Variants in NTPCR observed in about 807,000 individuals in gnomAD.
NTPCR encodes cancer-related nucleoside-triphosphatase.
NTPCR carries 15 observed loss-of-function variants against 19.5 expected under a neutral mutation model. That is an observed-to-expected ratio of 0.77 (90% CI 0.51 to 1.18). The LOEUF is 1.18. Ranked by LOEUF, NTPCR falls within the 50% of genes most tolerant of loss-of-function variation. NTPCR has a pLI of 0.00. For missense variants in NTPCR, 206 were observed against 240.4 expected (o/e 0.86, Z 0.95); for synonymous variants, 90 against 95.8 (o/e 0.94, Z 0.36).
intron 4 of NTPCR, among the ~76,000 whole-genome samples, chr1:232,975,320 G>A (rs1308170883): frequency 6.6e-6 from 1 of 152,128 alleles, no homozygotes; most frequent in African/African-American, 2.4e-5. Context: ...AGTTGAGGTG[G>A]TGATATCACA....
intron 2 of NTPCR, among the ~76,000 whole-genome samples, chr1:232,955,955 C>T (rs1668501420): frequency 6.6e-6 from 1 of 152,104 alleles, no homozygotes; most frequent in African/African-American, 2.4e-5. Flanking sequence ...AGAAAGAAAA[C>T]AGAATGAAAC....
intron 4 of NTPCR, among the ~76,000 whole-genome samples, chr1:232,975,798 T>C (rs189253749): frequency 6.6e-6 from 1 of 152,198 alleles, no homozygotes; most frequent in Non-Finnish European, 1.5e-5. Context: ...CTTTCTTCTT[T>C]CTGCAGTCTT....
At chr1:232,965,448 T>C (rs1668786564) in intron 3 of NTPCR, 1 of 152,284 alleles carries the variant, frequency 6.6e-6, no homozygotes, top group African/African-American at 2.4e-5. Context: ...GTGAAGTTGC[T>C]GGGAGGACTG....
chr1:232,958,313 C>T (rs1395795314), intron 3 of NTPCR, among the ~76,000 whole-genome samples: 1 of 152,234 alleles, frequency 6.6e-6, no homozygotes, highest in African/African-American at 2.4e-5. Flanking sequence ...TGCCATTCTT[C>T]AGCCACACTG....
chr1:232,964,062 T>A (rs1400588273), intron 3 of NTPCR: 1 of 152,246 alleles, frequency 6.6e-6, no homozygotes, highest in African/African-American at 2.4e-5. Context: ...TCGTTAGTGT[T>A]CTAGTTTCAT....
At chr1:232,960,866 A>T (rs375533785) in intron 3 of NTPCR, among the ~76,000 whole-genome samples, 1 of 152,164 alleles carries the variant, frequency 6.6e-6, no homozygotes, top group African/African-American at 2.4e-5. Context: ...ATTCATGGTT[A>T]AAAAAATTAT....
Position 232,983,292 on chromosome 1 carries a change from T to A in NTPCR, c.*5061T>A, listed in dbSNP as rs549442140. ...TCTATGGACTGCATTTTGGGACCTC[T>A]ACCCCAGCAAGGATACAGGTTCCTG... is the stretch of plus-strand genomic sequence containing the variant. On this transcript the variant is annotated 3_prime_UTR_variant, in exon 5 of 5. Coordinates refer to ENST00000366628, the MANE Select transcript of NTPCR (RefSeq NM_032324.3). 1 of 152,326 alleles carries A rather than the reference T, an allele frequency of 6.6e-6. No homozygotes were observed. The highest frequency in any genetic ancestry group is 2.1e-4 in the South Asian group (1 of 4,828). The allele number at this position is 152,326 out of a possible 1,614,324, so 9.4% of individuals were successfully genotyped here. A position where few individuals can be genotyped will look rare whatever the true frequency, so the allele number is the denominator to read the frequency against.
In NTPCR at chr1:232,983,244, ATGG is replaced by A. The variant is rs1195563227; in HGVS notation, c.*5015_*5017del. 6.6e-6 allele frequency: 1 copy of A among 152,154 alleles called. No individual in the cohort carries two copies. Among genetic ancestry groups the A allele is most frequent in the Non-Finnish European group, 1.5e-5 (1 of 68,040 alleles). 9.4% of individuals were successfully genotyped at this position (152,154 alleles called of 1,614,324 possible). ...TCTAACTATTGTCTTTTGAAAAGGG[ATGG>A]TTCACCAGGCCAGTGATACTCTATG... On this transcript the variant is annotated 3_prime_UTR_variant, in exon 5 of 5. Coordinates refer to ENST00000366628, the MANE Select transcript of NTPCR (RefSeq NM_032324.3).
Position 232,955,563 on chromosome 1 carries a change from GA to G in NTPCR, c.46del (p.Thr16GlnfsTer3). ...HVFLTGPPGV[G>X]KTTLIHKASE... ...TTTTTTTTTTTTATTTTAGGAGTTG[GA>G]AAAACAACATTGATCCATAAAGCCA... On this transcript the variant is annotated frameshift_variant, in exon 2 of 5. Transcript: ENST00000366628. LOFTEE classifies it high-confidence loss of function. The G allele has an allele frequency of 6.5e-7, 1 of 1,532,860 alleles. No homozygotes were observed. The highest frequency in any genetic ancestry group is 8.7e-7 in the Non-Finnish European group (1 of 1,143,064). The allele number at this position is 1,532,860 out of a possible 1,614,324, so 95.0% of individuals were successfully genotyped here.
chr1:232,979,418 G>T lies in NTPCR; in HGVS notation c.*1187G>T, dbSNP rs1669230428. The T allele has an allele frequency of 6.6e-6, 1 of 152,292 alleles. No individual in the cohort carries two copies. Among genetic ancestry groups the T allele is most frequent in the Non-Finnish European group, 1.5e-5 (1 of 68,110 alleles). The allele number at this position is 152,292 out of a possible 1,614,324, so 9.4% of individuals were successfully genotyped here. On this transcript the variant is annotated 3_prime_UTR_variant, in exon 5 of 5. Coordinates refer to ENST00000366628, the MANE Select transcript of NTPCR (RefSeq NM_032324.3). The surrounding 1 kb of genome is among the most constrained non-coding windows in gnomAD (Gnocchi z 5.3). ...CACTGGGGCACAGTGAATGGGGCGG[G>T]AGGGGCTCACATCAAAACCAAAATG...
chr1:232,952,702 A>G (rs533149975), intron 1 of NTPCR, among the ~76,000 whole-genome samples: 21 of 151,144 alleles, frequency 1.4e-4, no homozygotes, highest in African/African-American at 4.6e-4. Flanking sequence ...TTTACACATA[A>G]CTTTTTTCCC....
rs188989437 is a variant in NTPCR, at chr1:232,969,962, G to A, written c.348G>A (p.Gly116=). ...GAGTGTGCGTCATCGATGAGATTGG[G>A]AAGATGGAGCTCTTCAGTCAGCTTT... ...GQRVCVIDEI[G]KMELFSQLFI... is the part of the protein sequence containing the mutation. The change falls in exon 4 of 5, where the codon GGG becomes GGA. Residue 116 remains glycine (G), a synonymous_variant. Transcript: ENST00000366628. 53 of 1,614,206 alleles carry A rather than the reference G, an allele frequency of 3.3e-5. No homozygotes were observed. The East Asian group carries it at 1.1e-3, about 35-fold the overall frequency.
chr1:232,972,227 T>A (rs1406006836), intron 4 of NTPCR, among the ~76,000 whole-genome samples: 1 of 152,208 alleles, frequency 6.6e-6, no homozygotes, highest in East Asian at 1.9e-4. Context: ...AGATAGGGGC[T>A]GACATACCCT....
intron 4 of NTPCR, chr1:232,976,176 A>G (rs1669117542): frequency 3.0e-6 from 2 of 668,428 alleles, no homozygotes; most frequent in East Asian, 6.7e-5. Context: ...GTACATATTT[A>G]TGGGGTACAG....
At chr1:232,976,328 T>C in intron 4 of NTPCR, 1 of 1,495,546 alleles carries the variant, frequency 6.7e-7, no homozygotes, top group Non-Finnish European at 8.9e-7. Flanking sequence ...ACTACCTTGT[T>C]ATTTACTCTG....
intron 3 of NTPCR, chr1:232,965,594 T>A (rs898440649): frequency 6.6e-6 from 1 of 152,384 alleles, no homozygotes; most frequent in African/African-American, 2.4e-5. Context: ...CCTTCACAAT[T>A]TGGTTTGTGT....
chr1:232,957,959 G>T (rs933635654), intron 3 of NTPCR, among the ~76,000 whole-genome samples: 61 of 152,256 alleles, frequency 4.0e-4, no homozygotes, highest in African/African-American at 1.4e-3. Context: ...GTATGTGTCA[G>T]GGTGGGGAGG....
rs1422661315 is a variant in NTPCR, at chr1:232,983,042, C to G, written c.*4811C>G. 6.6e-6 allele frequency: 1 copy of G among 151,944 alleles called. No homozygotes were observed. The highest frequency in any genetic ancestry group is 1.5e-5 in the Non-Finnish European group (1 of 68,010). 9.4% of individuals were successfully genotyped at this position (151,944 alleles called of 1,614,324 possible). A position where few individuals can be genotyped will look rare whatever the true frequency, so the allele number is the denominator to read the frequency against. On this transcript the variant is annotated 3_prime_UTR_variant, in exon 5 of 5. Transcript: ENST00000366628. ...TGTCTGTGATTATAGAGTACACTTG[C>G]TTTTATTAATTGCTGATTCTTAGTT... is the stretch of plus-strand genomic sequence containing the variant.
intron 3 of NTPCR, chr1:232,963,368 T>G (rs1201517968): frequency 6.6e-6 from 1 of 152,232 alleles, no homozygotes; most frequent in African/African-American, 2.4e-5. Context: ...TTCTGTGGAT[T>G]TAGATGCTAA....
Sources: gnomAD v4.1 joint callset for allele counts (sites outside exome capture counted in the v4.1 genomes callset) on GRCh38, gnomAD v4.1.1 for gene constraint, Gnocchi (gnomAD v3.1) non-coding constraint, MANE v1.5 for transcripts, NCBI Gene and HGNC (gene_info 2026-07-23, HGNC 2026-07-21) for gene names.